CSMD1: variants seen among roughly 807,000 people sequenced by gnomAD.
CSMD1 encodes the protein CUB and Sushi multiple domains 1, also known as CUB and sushi domain-containing protein 1.
A neutral mutation model predicts 417.5 loss-of-function variants in CSMD1; 213 were observed. That is an observed-to-expected ratio of 0.51 (90% CI 0.46 to 0.57). The LOEUF is 0.57. CSMD1 is among the 20% of genes least tolerant of loss of function. The probability of loss-of-function intolerance (pLI) is 0.00; values close to 1 mark genes in which losing one functional copy is unlikely to be tolerated. For synonymous variants in CSMD1, 2,862 were observed against 1,736.8 expected (o/e 1.65, Z -16.11); for missense variants, 6,923 against 4,529.7 (o/e 1.53, Z -15.17).
intron 10 of CSMD1, among the ~76,000 whole-genome samples, chr8:3,517,241 G>A (rs906711338): frequency 2.0e-5 from 3 of 152,160 alleles, no homozygotes; most frequent in Admixed American, 6.5e-5. Flanking sequence ...TCTGTGATTA[G>A]AGGGAAAACT....
At chr8:3,428,773 A>T (rs2117010950) in intron 12 of CSMD1, among the ~76,000 whole-genome samples, 1 of 152,346 alleles carries the variant, frequency 6.6e-6, no homozygotes, top group South Asian at 2.1e-4. Context: ...CTGCAGAATC[A>T]TTCACAATAG....
At chr8:4,705,571 G>T (rs1807881856) in intron 1 of CSMD1, among the ~76,000 whole-genome samples, 1 of 152,290 alleles carries the variant, frequency 6.6e-6, no homozygotes, top group East Asian at 1.9e-4. Context: ...TTTTTTGACT[G>T]AAAGGCAGGA....
intron 3 of CSMD1, among the ~76,000 whole-genome samples, chr8:4,277,495 A>G (rs944783757): frequency 6.6e-6 from 1 of 151,944 alleles, no homozygotes; most frequent in Non-Finnish European, 1.5e-5. Flanking sequence ...GCATATTCTC[A>G]TTGTTTCCTG....
intron 4 of CSMD1, among the ~76,000 whole-genome samples, chr8:4,017,977 G>A (rs111461172): frequency 6.6e-6 from 1 of 152,076 alleles, no homozygotes; most frequent in Non-Finnish European, 1.5e-5. Context: ...ATTTATACAT[G>A]TTGCATTTTG....
At chr8:4,727,730 T>C (rs1474904665) in intron 1 of CSMD1, among the ~76,000 whole-genome samples, 3 of 151,964 alleles carry the variant, frequency 2.0e-5, no homozygotes, top group Non-Finnish European at 4.4e-5. Flanking sequence ...TCTTCCTCTT[T>C]CCTCTTTTTC....
chr8:3,143,753 T>TA (rs1484527601), intron 40 of CSMD1, among the ~76,000 whole-genome samples: 8 of 152,124 alleles, frequency 5.3e-5, no homozygotes, highest in African/African-American at 1.9e-4. Context: ...ATGAGAACTT[T>TA]AAAAAAATTT....
intron 1 of CSMD1, among the ~76,000 whole-genome samples, chr8:4,910,272 G>A (rs770001834): frequency 6.6e-6 from 1 of 152,140 alleles, no homozygotes; most frequent in African/African-American, 2.4e-5. Flanking sequence ...TCATCACAGT[G>A]AACAGTCAAC....
intron 4 of CSMD1, among the ~76,000 whole-genome samples, chr8:4,016,377 T>C (rs1796523422): frequency 6.6e-6 from 1 of 152,112 alleles, no homozygotes; most frequent in Non-Finnish European, 1.5e-5. Context: ...TGAATTGGCT[T>C]CCCGAGATGA....
intron 7 of CSMD1, among the ~76,000 whole-genome samples, chr8:3,666,566 C>A (rs1193711496): frequency 1.3e-5 from 2 of 152,116 alleles, no homozygotes; most frequent in Non-Finnish European, 2.9e-5. Flanking sequence ...TGTGTCCCCA[C>A]CCAAATCTCA....
At chr8:3,123,354 A>T (rs894537121) in intron 41 of CSMD1, among the ~76,000 whole-genome samples, 2 of 152,206 alleles carry the variant, frequency 1.3e-5, no homozygotes, top group African/African-American at 4.8e-5. Flanking sequence ...CCTAGAAAAC[A>T]TCCACAGTGC....
At chr8:4,178,895 G>C (rs1425395287) in intron 3 of CSMD1, among the ~76,000 whole-genome samples, 1 of 152,092 alleles carries the variant, frequency 6.6e-6, no homozygotes, top group African/African-American at 2.4e-5. Context: ...TCTTCAAGGA[G>C]AACTACAAAC....
At chr8:4,244,408 A>G (rs1487599913) in intron 3 of CSMD1, among the ~76,000 whole-genome samples, 1 of 152,208 alleles carries the variant, frequency 6.6e-6, no homozygotes, top group Non-Finnish European at 1.5e-5. Context: ...TCTTCATAAA[A>G]CTAGTAGAAA....
rs759821428 is a variant in CSMD1, at chr8:3,367,225, G to C, written c.2922C>G (p.Thr974=). The C allele has an allele frequency of 1.2e-6, 2 of 1,612,440 alleles. No homozygotes were observed. Among genetic ancestry groups the C allele is most frequent in the Non-Finnish European group, 1.7e-6 (2 of 1,179,168 alleles). The change falls in exon 20 of 70, where the codon ACC becomes ACG. Residue 974 remains threonine, a synonymous_variant. Transcript: ENST00000635120. ...HGKGVQMIFH[T]FHLESSHDYL... ...AGTCGTGGGAACTCTCAAGATGAAAGGTGTGAAAGATCATTTGAACTCCTG... is the reference window on the plus strand; with the variant it reads ...AGTCGTGGGAACTCTCAAGATGAAACGTGTGAAAGATCATTTGAACTCCTG...
intron 33 of CSMD1, among the ~76,000 whole-genome samples, chr8:3,190,529 T>A (rs7840507): frequency 0.41 from 62,120 of 152,008 alleles, 12,763 homozygotes; most frequent in South Asian, 0.56. Context: ...CACAGGCCTC[T>A]GAGTCTAATG....
chr8:4,011,673 A>C (rs1241344045), intron 4 of CSMD1, among the ~76,000 whole-genome samples: 1 of 152,214 alleles, frequency 6.6e-6, no homozygotes, highest in South Asian at 2.1e-4. Flanking sequence ...CTAAATTTTT[A>C]AACTACGAAA....
chr8:4,514,495 G>A (rs1803008544), intron 2 of CSMD1, among the ~76,000 whole-genome samples: 1 of 152,086 alleles, frequency 6.6e-6, no homozygotes, highest in Non-Finnish European at 1.5e-5. Context: ...ACGCACACAT[G>A]GGAATCAACG....
At chr8:4,962,885 T>C (rs1246784664) in intron 1 of CSMD1, among the ~76,000 whole-genome samples, 5 of 152,206 alleles carry the variant, frequency 3.3e-5, no homozygotes, top group Non-Finnish European at 7.3e-5. Context: ...ACTTAATTCC[T>C]GTAAAAAATA....
intron 10 of CSMD1, among the ~76,000 whole-genome samples, chr8:3,508,353 G>C (rs112255873): frequency 0.19 from 26,674 of 142,874 alleles, 2,553 homozygotes; most frequent in East Asian, 0.29. Context: ...ACGGGGGCCT[G>C]TTATGGGGCA....
At chr8:3,325,249 T>C (rs1806449535) in intron 23 of CSMD1, among the ~76,000 whole-genome samples, 1 of 152,196 alleles carries the variant, frequency 6.6e-6, no homozygotes, top group Non-Finnish European at 1.5e-5. Flanking sequence ...GCAAATGCAA[T>C]GCATCCATGA....
Sources: allele counts gnomAD v4.1 joint callset (sites outside exome capture counted in the v4.1 genomes callset), GRCh38; gene constraint gnomAD v4.1.1; transcripts MANE v1.5; gene names NCBI Gene and HGNC (gene_info 2026-07-23, HGNC 2026-07-21).